Variants in KIRREL3 observed in about 807,000 individuals in gnomAD.
KIRREL3 encodes kirre like nephrin family adhesion molecule 3.
A neutral mutation model predicts 89.7 loss-of-function variants in KIRREL3; 36 were observed. The observed-to-expected ratio is 0.40, with a 90% CI of 0.31 to 0.53. The LOEUF is 0.53. Ranked by LOEUF, KIRREL3 falls within the 20% of genes least tolerant of loss-of-function variation. KIRREL3 has a pLI of 0.49. For synonymous variants in KIRREL3, 445 were observed against 441.4 expected, an observed-to-expected ratio of 1.01 and a Z score of -0.10; for missense variants, 864 against 1,056.6, an observed-to-expected ratio of 0.82 and a Z score of 2.53.
intron 1 of KIRREL3, among the ~76,000 whole-genome samples, chr11:126,859,858 C>T (rs1944651018): frequency 2.6e-5 from 4 of 152,164 alleles, no homozygotes; most frequent in African/African-American, 9.7e-5. Context: ...CTGAGTCTTG[C>T]TATTTCTGTT....
rs1042877575 is a variant in KIRREL3 at position 126,587,394 on chromosome 11, A to G, written c.56-24482T>C. ...CTGTGAGGCATGAGGCAGAGAGGTAAGCCAGGAGTAGTTTGCAGACCCCTG... is the reference window on the plus strand; with the variant it reads ...CTGTGAGGCATGAGGCAGAGAGGTAGGCCAGGAGTAGTTTGCAGACCCCTG... On this transcript the variant is annotated intron_variant, in intron 1 of 16. Coordinates refer to ENST00000525144, the MANE Select transcript of KIRREL3 (RefSeq NM_032531.4). The surrounding 1 kb of genome is among the most constrained non-coding windows in gnomAD (Gnocchi z 5.2). Among the ~76,000 whole-genome samples, 10 of 152,174 alleles carry G rather than the reference A, an allele frequency of 6.6e-5. No homozygotes were observed. The highest frequency in any genetic ancestry group is 1.0e-4 in the Non-Finnish European group (7 of 68,026).
rs1237028557 is a variant in KIRREL3 at position 126,991,413 on chromosome 11, C to T, written c.55+9042G>A. Among the ~76,000 whole-genome samples the T allele has an allele frequency of 6.6e-6, 1 of 152,112 alleles. No homozygotes were observed. On this transcript the variant is annotated intron_variant, in intron 1 of 16. Coordinates refer to ENST00000525144, the MANE Select transcript of KIRREL3 (RefSeq NM_032531.4). This position sits in a 1 kb window ranked among gnomAD's most constrained non-coding sequence, Gnocchi z 5.8. ...GCTAGACACCAGGGGTGATAAAAGACTTGGATTTTAATCAACCAATTAAGA... is the reference window on the plus strand; with the variant it reads ...GCTAGACACCAGGGGTGATAAAAGATTTGGATTTTAATCAACCAATTAAGA...
chr11:126,426,725 T>C (rs1954951992), intron 15 of KIRREL3, among the ~76,000 whole-genome samples: 1 of 152,210 alleles, frequency 6.6e-6, no homozygotes, highest in Non-Finnish European at 1.5e-5. Flanking sequence ...TCCTACTCTC[T>C]GGGCCGGGAT....
intron 1 of KIRREL3, among the ~76,000 whole-genome samples, chr11:126,588,430 TA>T (rs1214858921): frequency 7.2e-5 from 11 of 152,122 alleles, no homozygotes; most frequent in Non-Finnish European, 1.6e-4. Flanking sequence ...TGCTGGCTGA[TA>T]GGGGTGGGAA....
At position 126,638,280 on chromosome 11, in the gene KIRREL3, T is replaced by C. The variant is rs565063773; in HGVS notation, c.56-75368A>G. On this transcript the variant is annotated intron_variant, in intron 1 of 16. Coordinates refer to ENST00000525144, the MANE Select transcript of KIRREL3 (RefSeq NM_032531.4). ...AGAGATAGGAATAGAAACACCTTGCTTGTTCTTAAAGAATCTAAATCTCCA... is the reference window on the plus strand; with the variant it reads ...AGAGATAGGAATAGAAACACCTTGCCTGTTCTTAAAGAATCTAAATCTCCA... 4.3e-4 allele frequency among the ~76,000 whole-genome samples: 66 copies of C among 152,368 alleles called. 1 individual carries two copies. In the South Asian group the frequency reaches 0.013, roughly 31 times the overall value.
chr11:126,851,001 A>C (rs983783702), intron 1 of KIRREL3, among the ~76,000 whole-genome samples: 10 of 152,212 alleles, frequency 6.6e-5, no homozygotes, highest in African/African-American at 2.4e-4. Context: ...TAGCTGTTGA[A>C]AGTTCAGCCA....
rs531267625 is a variant in KIRREL3, at chr11:126,627,364, G to A, written c.56-64452C>T. Among the ~76,000 whole-genome samples the A allele has an allele frequency of 2.0e-5, 3 of 152,198 alleles. No homozygotes were observed. In the South Asian group the frequency reaches 6.2e-4, roughly 32 times the overall value. The stretch of plus-strand genomic sequence containing the variant: ...GTTGAAGCATGGTGACCTGGTCTGT[G>A]TTCCTATAGGCCGCCCTTTAGGCAA... On this transcript the variant is annotated intron_variant, in intron 1 of 16. Transcript: ENST00000525144. This position sits in a 1 kb window ranked among gnomAD's most constrained non-coding sequence, Gnocchi z 5.0.
Position 126,563,049 on chromosome 11 carries a change from ATTG to A in KIRREL3, c.56-140_56-138del. On this transcript the variant is annotated intron_variant, in intron 1 of 16. Transcript: ENST00000525144. The surrounding 1 kb of genome is among the most constrained non-coding windows in gnomAD (Gnocchi z 6.8). ...TTGTTTAGCCAACATTTATATGGAA[ATTG>A]TTATGTTCCAGGCATAAGTTTAAGC... The A allele has an allele frequency of 1.8e-6, 1 of 555,372 alleles. No individual in the cohort carries two copies. The highest frequency in any genetic ancestry group is 3.2e-6 in the Non-Finnish European group (1 of 314,330). The allele number at this position is 555,372 out of a possible 1,614,324, so 34.4% of individuals were successfully genotyped here.
rs1278053273 is a variant in KIRREL3, at chr11:126,486,282, G to T, written c.434-12816C>A. Among the ~76,000 whole-genome samples the T allele has an allele frequency of 6.6e-6, 1 of 152,162 alleles. No individual in the cohort carries two copies. The highest frequency in any genetic ancestry group is 1.5e-5 in the Non-Finnish European group (1 of 68,030). On this transcript the variant is annotated intron_variant, in intron 4 of 16. Coordinates refer to ENST00000525144, the MANE Select transcript of KIRREL3 (RefSeq NM_032531.4). This position sits in a 1 kb window ranked among gnomAD's most constrained non-coding sequence, Gnocchi z 6.2. ...GCTTGGGAGAGGCCAGCAGAGAAGG[G>T]ACAGTGGGGTGGGGGAGTGCATCAA...
Position 127,000,389 on chromosome 11 carries a change from C to T in KIRREL3, c.55+66G>A. On this transcript the variant is annotated intron_variant, in intron 1 of 16. Transcript: ENST00000525144. This position sits in a 1 kb window ranked among gnomAD's most constrained non-coding sequence, Gnocchi z 7.1. ...CCCGAAGCCTGCCCACGTTCCTGCC[C>T]ACAGCCTCCCGCGCCCTGACAACCC... The T allele has an allele frequency of 1.4e-6, 2 of 1,426,174 alleles. No individual in the cohort carries two copies. Among genetic ancestry groups the T allele is most frequent in the Non-Finnish European group, 1.9e-6 (2 of 1,038,942 alleles). The allele number at this position is 1,426,174 out of a possible 1,614,324, so 88.3% of individuals were successfully genotyped here. A position where few individuals can be genotyped will look rare whatever the true frequency, so the allele number is the denominator to read the frequency against.
rs947441746 is a variant in KIRREL3 at position 126,719,247 on chromosome 11, T to C, written c.56-156335A>G. 1.3e-5 allele frequency among the ~76,000 whole-genome samples: 2 copies of C among 152,210 alleles called. No individual in the cohort carries two copies. The highest frequency in any genetic ancestry group is 4.8e-5 in the African/African-American group (2 of 41,444). On this transcript the variant is annotated intron_variant, in intron 1 of 16. Coordinates refer to ENST00000525144, the MANE Select transcript of KIRREL3 (RefSeq NM_032531.4). The surrounding 1 kb of genome is among the most constrained non-coding windows in gnomAD (Gnocchi z 4.7). ...TCTTCCTAAATTACCAATGACTCCA[T>C]GTTGACAAATCCAATGGTCAACTCC...
Position 126,897,055 on chromosome 11 carries a change from C to T in KIRREL3, c.55+103400G>A, listed in dbSNP as rs188505408. On this transcript the variant is annotated intron_variant, in intron 1 of 16. Coordinates refer to ENST00000525144, the MANE Select transcript of KIRREL3 (RefSeq NM_032531.4). The surrounding 1 kb of genome is among the most constrained non-coding windows in gnomAD (Gnocchi z 4.2). ...GTAGGCAGCCTTCTCCTCTCTCTTC[C>T]CTGCTCTTCCTCTTATCCAAGTTAT... Among the ~76,000 whole-genome samples, 694 of 152,222 alleles carry T rather than the reference C, an allele frequency of 4.6e-3. 7 individuals are homozygous for T. Among genetic ancestry groups the T allele is most frequent in the African/African-American group, 0.015 (630 of 41,548 alleles).
chr11:126,792,133 T>C (rs1950663686), intron 1 of KIRREL3, among the ~76,000 whole-genome samples: 1 of 152,116 alleles, frequency 6.6e-6, no homozygotes, highest in South Asian at 2.1e-4. Context: ...TAAACCCGGC[T>C]CTGAGGATAG....
rs1294509644 is a variant in KIRREL3, at chr11:126,908,614, G to A, written c.55+91841C>T. Among the ~76,000 whole-genome samples, 1 of 152,194 alleles carries A rather than the reference G, an allele frequency of 6.6e-6. No individual in the cohort carries two copies. The highest frequency in any genetic ancestry group is 1.5e-5 in the Non-Finnish European group (1 of 68,026). On this transcript the variant is annotated intron_variant, in intron 1 of 16. Transcript: ENST00000525144. The surrounding 1 kb of genome is among the most constrained non-coding windows in gnomAD (Gnocchi z 4.2). ...TACTATTGGTATTATCAAGAAAACT[G>A]AAAGTCACAAAAGGTAAGTGATTTG...
chr11:126,753,890 C>T (rs1949413519), intron 1 of KIRREL3, among the ~76,000 whole-genome samples: 1 of 152,124 alleles, frequency 6.6e-6, no homozygotes, highest in Non-Finnish European at 1.5e-5. Flanking sequence ...TTAGTCTTAA[C>T]TATAATGGTC....
At chr11:126,680,397 GAT>G (rs150251599) in intron 1 of KIRREL3, among the ~76,000 whole-genome samples, 91 of 143,372 alleles carry the variant, frequency 6.3e-4, no homozygotes, top group Middle Eastern at 3.5e-3. Context: ...TTCTACTGGA[GAT>G]ATATATATAT....
At position 126,544,419 on chromosome 11, in the gene KIRREL3, G is replaced by C. The variant is rs1938617500; in HGVS notation, c.134-17732C>G. Among the ~76,000 whole-genome samples the C allele has an allele frequency of 6.6e-6, 1 of 152,202 alleles. No individual in the cohort carries two copies. Among genetic ancestry groups the C allele is most frequent in the Admixed American group, 6.5e-5 (1 of 15,286 alleles). On this transcript the variant is annotated intron_variant, in intron 2 of 16. Transcript: ENST00000525144. The surrounding 1 kb of genome is among the most constrained non-coding windows in gnomAD (Gnocchi z 5.6). ...ACTTTATGAGTTTGGGTTTGGCAGG[G>C]AGGCAGCTGCTTGCAGCCAGTTCTC...
rs991312897 is a variant in KIRREL3 at position 126,867,087 on chromosome 11, T to G, written c.55+133368A>C. Among the ~76,000 whole-genome samples, 2 of 152,188 alleles carry G rather than the reference T, an allele frequency of 1.3e-5. No individual in the cohort carries two copies. The highest frequency in any genetic ancestry group is 2.4e-5 in the African/African-American group (1 of 41,468). ...AGAGCACACTGTAACACACGCCCAC[T>G]GGGGCTTCAGGAGCTGTAAACACTC... On this transcript the variant is annotated intron_variant, in intron 1 of 16. Transcript: ENST00000525144. This position sits in a 1 kb window ranked among gnomAD's most constrained non-coding sequence, Gnocchi z 4.7.
At chr11:126,767,576 AC>A (rs1355455620) in intron 1 of KIRREL3, among the ~76,000 whole-genome samples, 1 of 152,204 alleles carries the variant, frequency 6.6e-6, no homozygotes, top group Middle Eastern at 3.2e-3. Flanking sequence ...CACTGTATAG[AC>A]CACTGTAGGG....
Sources: allele counts gnomAD v4.1 joint callset (sites outside exome capture counted in the v4.1 genomes callset), GRCh38; gene constraint gnomAD v4.1.1; non-coding constraint Gnocchi (gnomAD v3.1); transcripts MANE v1.5; gene names NCBI Gene and HGNC (gene_info 2026-07-23, HGNC 2026-07-21).